GSAP: variants seen among roughly 807,000 people sequenced by gnomAD.
GSAP encodes the protein gamma-secretase-activating protein.
Under a neutral mutation model 131.7 loss-of-function variants are expected in GSAP, and 118 were observed. That is an observed-to-expected ratio of 0.90 (90% CI 0.77 to 1.04). GSAP has a LOEUF of 1.04. GSAP is among the 50% of genes least tolerant of loss of function. The pLI is 0.00. For missense variants in GSAP, 1,019 were observed against 1,013.2 expected (o/e 1.01, Z -0.08); for synonymous variants, 381 against 363.4 (o/e 1.05, Z -0.55).
intron 3 of GSAP, among the ~76,000 whole-genome samples, chr7:77,404,108 A>AG (rs2151176396): frequency 6.6e-6 from 1 of 152,322 alleles, no homozygotes; most frequent in South Asian, 2.1e-4. Flanking sequence ...AGATCAGGAG[A>AG]GGAAAAAAGC....
At chr7:77,416,488 A>C, upstream of GSAP, 1 of 418,486 alleles carries the variant, frequency 2.4e-6, no homozygotes, top group Non-Finnish European at 4.2e-6. Flanking sequence ...CTCCGGCACC[A>C]GCTCCTCCCG....
intron 18 of GSAP, chr7:77,351,599 G>T (rs1359569346): frequency 2.0e-6 from 2 of 985,792 alleles, no homozygotes; most frequent in East Asian, 2.3e-4. Context: ...GTACAGGGAG[G>T]TTATAACCAC....
intron 1 of GSAP, 36 bp downstream of exon 1, chr7:77,416,177 C>G: frequency 1.7e-6 from 2 of 1,154,790 alleles, no homozygotes; most frequent in Non-Finnish European, 2.3e-6. Flanking sequence ...CTCCCACTCC[C>G]CGCCCCCACC....
intron 14 of GSAP, among the ~76,000 whole-genome samples, chr7:77,360,617 C>G (rs1794393284): frequency 6.6e-6 from 1 of 152,194 alleles, no homozygotes; most frequent in African/African-American, 2.4e-5. Flanking sequence ...AACCCCCAAC[C>G]CTTTTCAAGC....
At chr7:77,312,240 A>G (rs1794463688) in intron 28 of GSAP, 38 bp from the exon 29 acceptor site, 1 of 937,746 alleles carries the variant, frequency 1.1e-6, no homozygotes, top group Non-Finnish European at 1.7e-6. Flanking sequence ...CGAATACCAC[A>G]CACTATATTA....
At position 77,311,102 on chromosome 7, in the gene GSAP, C is replaced by A; in HGVS notation, c.*256G>T. ...TGGCCTATTAAGCTACTAGGAAGAG[C>A]ATCGTTTATGCCACTGTATGCCTTC... On this transcript the variant is annotated 3_prime_UTR_variant, in exon 31 of 31. Coordinates refer to ENST00000257626, the MANE Select transcript of GSAP (RefSeq NM_017439.4). 1 of 355,722 alleles carries A rather than the reference C, an allele frequency of 2.8e-6. No homozygotes were observed. Among genetic ancestry groups the A allele is most frequent in the South Asian group, 6.6e-5 (1 of 15,256 alleles). 22.0% of individuals were successfully genotyped at this position (355,722 alleles called of 1,614,324 possible). A position where few individuals can be genotyped will look rare whatever the true frequency, so the allele number is the denominator to read the frequency against.
chr7:77,345,211 A>C (rs1791611591), intron 19 of GSAP, among the ~76,000 whole-genome samples: 1 of 152,158 alleles, frequency 6.6e-6, no homozygotes, highest in Non-Finnish European at 1.5e-5. Context: ...GGCCATCACC[A>C]ATCATTCTAT....
intron 6 of GSAP, among the ~76,000 whole-genome samples, chr7:77,386,319 G>A (rs1365436981): frequency 3.3e-5 from 5 of 152,120 alleles, no homozygotes; most frequent in African/African-American, 1.2e-4. Flanking sequence ...ATAGACACTC[G>A]TGTATACTAA....
intron 9 of GSAP, 103 bp downstream of exon 9, chr7:77,377,183 C>T: frequency 1.7e-6 from 2 of 1,210,790 alleles, no homozygotes; most frequent in Middle Eastern, 6.3e-4. Flanking sequence ...CACCACTGCA[C>T]TCCAGCCTCA....
chr7:77,314,651 T>G, intron 26 of GSAP, 162 bp from the exon 27 acceptor site: 1 of 665,008 alleles, frequency 1.5e-6, no homozygotes, highest in East Asian at 3.0e-5. Context: ...CTCTGTATTA[T>G]TCGTAACTAA....
At chr7:77,373,818 TTC>T (rs754105944) in intron 12 of GSAP, among the ~76,000 whole-genome samples, 2 of 152,240 alleles carry the variant, frequency 1.3e-5, no homozygotes, top group Non-Finnish European at 2.9e-5. Context: ...ACAATCCATT[TTC>T]TCTGTTAGAA....
intron 4 of GSAP, 74 bp downstream of exon 4, chr7:77,397,271 CA>C: frequency 1.1e-6 from 1 of 945,440 alleles, no homozygotes; most frequent in Non-Finnish European, 1.7e-6. Context: ...TTTAATACTG[CA>C]AAAATCTAAT....
At chr7:77,392,938 T>C (rs1323492026) in intron 5 of GSAP, among the ~76,000 whole-genome samples, 1 of 152,122 alleles carries the variant, frequency 6.6e-6, no homozygotes. Flanking sequence ...CTGTGACTTG[T>C]GGCAAATGCA....
intron 13 of GSAP, among the ~76,000 whole-genome samples, chr7:77,361,157 G>A (rs1251472660): frequency 6.6e-6 from 1 of 152,168 alleles, no homozygotes; most frequent in Non-Finnish European, 1.5e-5. Flanking sequence ...ATTGTTCAGG[G>A]AGGAGAGGAT....
At position 77,392,852 on chromosome 7, in the gene GSAP, G is replaced by A. The variant is rs185377598; in HGVS notation, c.367+4130C>T. On this transcript the variant is annotated intron_variant, in intron 5 of 30. Transcript: ENST00000257626. ...CTTGACTGTCTATGATGGTGAGAGG[G>A]AGTTCTGGAAAATCTCAGTGGCAAT... is the stretch of plus-strand genomic sequence containing the variant. 1.9e-3 allele frequency among the ~76,000 whole-genome samples: 286 copies of A among 152,260 alleles called. 1 individual carries two copies. Among genetic ancestry groups the A allele is most frequent in the Admixed American group, 4.2e-3 (64 of 15,296 alleles).
chr7:77,398,309 T>A (rs1336896979), intron 3 of GSAP, among the ~76,000 whole-genome samples: 3 of 152,072 alleles, frequency 2.0e-5, no homozygotes, highest in Non-Finnish European at 4.4e-5. Flanking sequence ...GCTGGGAAAG[T>A]TAGGGAACAA....
chr7:77,311,378 C>T lies in GSAP; in HGVS notation c.2545G>A (p.Ala849Thr), dbSNP rs755135652. Residue 849 changes from alanine to threonine, a missense_variant, in exon 31 of 31, where the codon GCG (alanine) becomes ACG (threonine). Ala to Thr is a moderately conservative substitution (Grantham distance 58, BLOSUM62 0). Transcript: ENST00000257626. ...FVEEAALKHT[A>T]MLLGL ...CTTTTTCATAAGCCTAAAAGCATCG[C>T]GGTGTGTTTCAGAGCTGCTTCCTCT... The T allele has an allele frequency of 1.1e-5, 18 of 1,607,050 alleles. No homozygotes were observed. The highest frequency in any genetic ancestry group is 6.7e-5 in the East Asian group (3 of 44,862).
chr7:77,376,963 C>T, intron 9 of GSAP, 56 bp from the exon 10 acceptor site: 1 of 977,118 alleles, frequency 1.0e-6, no homozygotes, highest in Non-Finnish European at 1.6e-6. Context: ...GAAAAGGAAG[C>T]AGTCAAGAAG....
intron 19 of GSAP, among the ~76,000 whole-genome samples, chr7:77,344,629 G>A (rs1378942600): frequency 1.3e-5 from 2 of 152,168 alleles, no homozygotes; most frequent in Admixed American, 6.5e-5. Flanking sequence ...AGCCATCACA[G>A]CTAGTATCTC....
Sources: allele counts gnomAD v4.1 joint callset (sites outside exome capture counted in the v4.1 genomes callset), GRCh38; gene constraint gnomAD v4.1.1; transcripts MANE v1.5; gene names NCBI Gene and HGNC (gene_info 2026-07-23, HGNC 2026-07-21).